The following PPP2R3C variants were observed in gnomAD, a reference collection of about 807,000 sequenced individuals.
PPP2R3C encodes serine/threonine-protein phosphatase 2A regulatory subunit B'' subunit gamma.
Under a neutral mutation model 63.7 loss-of-function variants are expected in PPP2R3C, and 47 were observed. The observed-to-expected ratio is 0.74, with a 90% CI of 0.58 to 0.94. The LOEUF (loss-of-function observed/expected upper bound fraction) is 0.94. Among genes scored for constraint, PPP2R3C ranks in the 40% least tolerant of loss-of-function variants. PPP2R3C has a pLI of 0.00. For synonymous variants in PPP2R3C, 180 were observed against 177.4 expected, an observed-to-expected ratio of 1.01 and a Z score of -0.12; for missense variants, 421 against 518.4, an observed-to-expected ratio of 0.81 and a Z score of 1.82.
intron 7 of PPP2R3C, chr14:35,099,016 C>T (rs1396640488): frequency 5.2e-6 from 2 of 381,700 alleles, no homozygotes; most frequent in South Asian, 4.2e-5. Context: ...GATGTCCCCC[C>T]ATCTGTCACA....
intron 1 of PPP2R3C, among the ~76,000 whole-genome samples, chr14:35,117,935 C>T (rs2046754941): frequency 6.6e-6 from 1 of 152,148 alleles, no homozygotes; most frequent in African/African-American, 2.4e-5. Context: ...CTCAGGTGAT[C>T]TGCCCACCTC....
chr14:35,113,708 G>A (rs2046629803), intron 2 of PPP2R3C, among the ~76,000 whole-genome samples: 1 of 152,178 alleles, frequency 6.6e-6, no homozygotes, highest in Non-Finnish European at 1.5e-5. Flanking sequence ...AAGTTGTGAA[G>A]TGAGTGTCCT....
At chr14:35,113,822 C>T (rs1595125375) in intron 2 of PPP2R3C, among the ~76,000 whole-genome samples, 1 of 152,242 alleles carries the variant, frequency 6.6e-6, no homozygotes, top group East Asian at 1.9e-4. Flanking sequence ...ACAATGCTGA[C>T]CTGCATACCC....
At chr14:35,110,487 T>C (rs769368922) in intron 3 of PPP2R3C, 38 bp downstream of exon 3, 3 of 1,345,768 alleles carry the variant, frequency 2.2e-6, no homozygotes, top group South Asian at 2.4e-5. Flanking sequence ...AAATGAGAAA[T>C]GGTTAACATC....
intron 1 of PPP2R3C, among the ~76,000 whole-genome samples, chr14:35,120,774 T>C (rs1288216450): frequency 6.6e-6 from 1 of 151,794 alleles, no homozygotes; most frequent in Non-Finnish European, 1.5e-5. Flanking sequence ...TAGCAAGACC[T>C]CATCTCCACT....
At chr14:35,097,847 C>T (rs983829662) in intron 7 of PPP2R3C, among the ~76,000 whole-genome samples, 3 of 151,700 alleles carry the variant, frequency 2.0e-5, no homozygotes, top group African/African-American at 7.3e-5. Flanking sequence ...TCCTAGGCAC[C>T]AGTGATTTCT....
At chr14:35,105,855 T>C (rs892541964) in intron 6 of PPP2R3C, among the ~76,000 whole-genome samples, 4 of 152,146 alleles carry the variant, frequency 2.6e-5, no homozygotes, top group East Asian at 1.9e-4. Context: ...GTGTCTTTTT[T>C]TTTTTGAGAT....
At chr14:35,110,688 G>A (rs2046525753) in intron 2 of PPP2R3C, 59 bp from the exon 3 acceptor site, 6 of 1,110,888 alleles carry the variant, frequency 5.4e-6, no homozygotes, top group African/African-American at 4.7e-5. Context: ...CCTATAAAAT[G>A]TATGTGGCCT....
chr14:35,110,093 TAACA>T, intron 3 of PPP2R3C, 162 bp from the exon 4 acceptor site: 2 of 562,460 alleles, frequency 3.6e-6, no homozygotes, highest in Non-Finnish European at 6.2e-6. Flanking sequence ...ACAATAAAAA[TAACA>T]TTTATTGAGT....
chr14:35,096,813 A>G, intron 7 of PPP2R3C, 49 bp from the exon 8 acceptor site: 1 of 1,484,834 alleles, frequency 6.7e-7, no homozygotes, highest in Non-Finnish European at 9.0e-7. Context: ...AGAAAAGAGC[A>G]ACTCAATTAA....
chr14:35,096,831 A>T, intron 7 of PPP2R3C, 67 bp from the exon 8 acceptor site: 1 of 1,416,316 alleles, frequency 7.1e-7, no homozygotes, highest in Non-Finnish European at 9.4e-7. Context: ...TAATTAAAAA[A>T]AAATTTTTTT....
chr14:35,121,807 AGGC>A (rs1476750283), intron 1 of PPP2R3C, 92 bp downstream of exon 1: 38 of 1,368,168 alleles, frequency 2.8e-5, no homozygotes, highest in Non-Finnish European at 3.7e-5. Context: ...GAAGCGGAAA[AGGC>A]GGCTCCCCCT....
chr14:35,117,036 C>T (rs1319133996), intron 1 of PPP2R3C: 2 of 456,914 alleles, frequency 4.4e-6, no homozygotes, highest in Non-Finnish European at 8.7e-6. Flanking sequence ...TAGAGTGCTC[C>T]TAATTCATTC....
At chr14:35,096,668 A>C (rs1456955406) in intron 8 of PPP2R3C, 35 bp from the exon 9 acceptor site, 1 of 1,609,532 alleles carries the variant, frequency 6.2e-7, no homozygotes, top group Admixed American at 1.7e-5. Context: ...AGAAGATAGC[A>C]ACTGTCAAGT....
chr14:35,097,031 T>G lies in PPP2R3C; in HGVS notation c.707-267A>C, dbSNP rs151088020. ...GAGTTCCAGACCAGCCTGGCCAACA[T>G]GGTGAAACCCCATCTCTACTAAAAA... On this transcript the variant is annotated intron_variant, in intron 7 of 12. Coordinates refer to ENST00000261475, the MANE Select transcript of PPP2R3C (RefSeq NM_017917.4). Among the ~76,000 whole-genome samples, 509 of 152,202 alleles carry G rather than the reference T, an allele frequency of 3.3e-3. 3 individuals are homozygous for G. Among genetic ancestry groups the G allele is most frequent in the African/African-American group, 0.012 (487 of 41,534 alleles).
At chr14:35,097,916 T>C (rs1367508281) in intron 7 of PPP2R3C, among the ~76,000 whole-genome samples, 1 of 152,094 alleles carries the variant, frequency 6.6e-6, no homozygotes, top group Admixed American at 6.6e-5. Context: ...CTAGCCCAGA[T>C]TGGAGTTTGA....
In PPP2R3C at chr14:35,099,239, G is replaced by T. The variant is rs1197738874; in HGVS notation, c.706+13C>A. The T allele has an allele frequency of 6.5e-7, 1 of 1,547,046 alleles. No homozygotes were observed. The highest frequency in any genetic ancestry group is 1.3e-5 in the South Asian group (1 of 79,484). On this transcript the variant is annotated intron_variant, in intron 7 of 12. Coordinates refer to ENST00000261475, the MANE Select transcript of PPP2R3C (RefSeq NM_017917.4). ...TCCTCATAATATCTAAGTTAGATAA[G>T]ATTTTCTTTTACCTGTTCTTAAAGG...
At chr14:35,120,127 C>T (rs546376162) in intron 1 of PPP2R3C, among the ~76,000 whole-genome samples, 15 of 151,678 alleles carry the variant, frequency 9.9e-5, no homozygotes, top group Non-Finnish European at 2.2e-4. Flanking sequence ...GCTTGAGCCA[C>T]CGCGCCCGGC....
chr14:35,109,458 T>C lies in PPP2R3C; in HGVS notation c.404+361A>G, dbSNP rs182945725. 2.0e-5 allele frequency among the ~76,000 whole-genome samples: 3 copies of C among 152,284 alleles called. No homozygotes were observed. In the East Asian group the frequency reaches 5.8e-4, roughly 29 times the overall value. On this transcript the variant is annotated intron_variant, in intron 4 of 12. Transcript: ENST00000261475. Reference sequence around the variant, plus strand: ...AAATGGACTCAAATGTCATTCCATTTACTTCATTTAATATTTGAGGATTTG... The same window carrying C: ...AAATGGACTCAAATGTCATTCCATTCACTTCATTTAATATTTGAGGATTTG...
Sources: gnomAD v4.1 joint callset for allele counts (sites outside exome capture counted in the v4.1 genomes callset) on GRCh38, gnomAD v4.1.1 for gene constraint, MANE v1.5 for transcripts, NCBI Gene and HGNC (gene_info 2026-07-23, HGNC 2026-07-21) for gene names.